Variants in KCTD16 observed in about 807,000 individuals in gnomAD.
KCTD16 encodes BTB/POZ domain-containing protein KCTD16.
A neutral mutation model predicts 33.2 loss-of-function variants in KCTD16; 13 were observed. The ratio of observed to expected loss-of-function variants is 0.39; its 90% CI spans 0.25 to 0.62. KCTD16 has a LOEUF of 0.62. KCTD16 is among the 20% of genes least tolerant of loss of function. The pLI, the probability that KCTD16 is intolerant of heterozygous loss-of-function variation, is 0.50. For synonymous variants in KCTD16, 197 were observed against 195.3 expected, an observed-to-expected ratio of 1.01 and a Z score of -0.07; for missense variants, 441 against 525.1, an observed-to-expected ratio of 0.84 and a Z score of 1.57.
At chr5:144,229,175 G>A (rs1196000242) in intron 3 of KCTD16, among the ~76,000 whole-genome samples, 2 of 152,174 alleles carry the variant, frequency 1.3e-5, no homozygotes, top group East Asian at 3.8e-4. Context: ...ATGGGGTTTT[G>A]TAAAGTCAAG....
chr5:144,272,261 TA>T (rs1755319398), intron 3 of KCTD16, among the ~76,000 whole-genome samples: 1 of 151,984 alleles, frequency 6.6e-6, no homozygotes, highest in African/African-American at 2.4e-5. Flanking sequence ...CCATCTCTAC[TA>T]AAAAAAGATA....
chr5:144,350,417 T>A (rs1164213701), intron 3 of KCTD16, among the ~76,000 whole-genome samples: 2 of 152,204 alleles, frequency 1.3e-5, no homozygotes, highest in Admixed American at 6.5e-5. Flanking sequence ...TAAAATAATT[T>A]CAATATTAAA....
chr5:144,171,347 G>A (rs141916223), intron 1 of KCTD16, among the ~76,000 whole-genome samples: 171 of 152,284 alleles, frequency 1.1e-3, no homozygotes, highest in African/African-American at 3.9e-3. Flanking sequence ...AAAGGGCAAC[G>A]GGAAAGGAGG....
At chr5:144,436,257 CTT>C (rs1169062085) in intron 3 of KCTD16, among the ~76,000 whole-genome samples, 1 of 152,168 alleles carries the variant, frequency 6.6e-6, no homozygotes, top group East Asian at 1.9e-4. Context: ...ATGGGATTGA[CTT>C]CTAACTACTT....
intron 3 of KCTD16, among the ~76,000 whole-genome samples, chr5:144,351,025 A>G (rs1018073642): frequency 8.5e-5 from 13 of 152,228 alleles, no homozygotes; most frequent in Non-Finnish European, 1.5e-5. Flanking sequence ...TCTGAACACC[A>G]CTGAAATAAA....
At chr5:144,319,536 G>A (rs1752019254) in intron 3 of KCTD16, among the ~76,000 whole-genome samples, 1 of 152,200 alleles carries the variant, frequency 6.6e-6, no homozygotes, top group Non-Finnish European at 1.5e-5. Flanking sequence ...TTACGTTGGA[G>A]CTTGCCTGGT....
rs1753056246 is a variant in KCTD16, at chr5:144,202,121, G to T, written c.-326-4268G>T. ...TATGCTTGAATATTACAAAGAACAG[G>T]ATGGAGCATTCTTCCTTGCTCTTCC... On this transcript the variant is annotated intron_variant, in intron 2 of 3. Transcript: ENST00000512467. Among the ~76,000 whole-genome samples, 2 of 152,182 alleles carry T rather than the reference G, an allele frequency of 1.3e-5. 1 individual carries two copies. Among genetic ancestry groups the T allele is most frequent in the South Asian group, 4.1e-4 (2 of 4,834 alleles).
At chr5:144,440,285 C>T (rs1753674763) in intron 3 of KCTD16, among the ~76,000 whole-genome samples, 1 of 152,168 alleles carries the variant, frequency 6.6e-6, no homozygotes, top group Non-Finnish European at 1.5e-5. Context: ...TGGCTGATTG[C>T]AAATGCATGA....
In KCTD16 at chr5:144,280,226, A is replaced by C. The variant is rs570262198; in HGVS notation, c.832+72680A>C. Reference sequence around the variant, plus strand: ...TCCCTCCTTTCCTATTTTCTGGAAGAGATTGTAAGGAATTTAAATTATTAT... The same window carrying C: ...TCCCTCCTTTCCTATTTTCTGGAAGCGATTGTAAGGAATTTAAATTATTAT... On this transcript the variant is annotated intron_variant, in intron 3 of 3. Transcript: ENST00000512467. Among the ~76,000 whole-genome samples, 13 of 152,218 alleles carry C rather than the reference A, an allele frequency of 8.5e-5. No individual in the cohort carries two copies. The East Asian group carries it at 2.3e-3, about 27-fold the overall frequency.
In KCTD16 at chr5:144,379,346, G is replaced by A. The variant is rs538734211; in HGVS notation, c.833-94314G>A. ...GAGGATTAGTAAATAGATATTTCACGTACTAGAAGAAGAGGGGCTTACTTG... is the reference window on the plus strand; with the variant it reads ...GAGGATTAGTAAATAGATATTTCACATACTAGAAGAAGAGGGGCTTACTTG... On this transcript the variant is annotated intron_variant, in intron 3 of 3. Transcript: ENST00000512467. Among the ~76,000 whole-genome samples the A allele has an allele frequency of 1.2e-3, 190 of 152,234 alleles. 1 individual carries two copies. Among genetic ancestry groups the A allele is most frequent in the African/African-American group, 4.2e-3 (175 of 41,554 alleles).
At chr5:144,299,227 T>G (rs6878187) in intron 3 of KCTD16, among the ~76,000 whole-genome samples, 17,047 of 141,068 alleles carry the variant, frequency 0.12, 2,760 homozygotes, top group African/African-American at 0.37. Context: ...ACTAACACTT[T>G]GACAAAAATC....
At chr5:144,198,271 C>T in intron 2 of KCTD16, among the ~76,000 whole-genome samples, 1 of 152,168 alleles carries the variant, frequency 6.6e-6, no homozygotes, top group East Asian at 1.9e-4. Flanking sequence ...ATTAAACAAA[C>T]ATTAATTGAG....
rs1755857921 is a variant in KCTD16, at chr5:144,290,219, C to T, written c.832+82673C>T. ...CTGAAGTGGGAGAATTGCTTGAGTC[C>T]CTGAGGCAGAGATTGCAGTGAGCTG... On this transcript the variant is annotated intron_variant, in intron 3 of 3. Coordinates refer to ENST00000512467, the MANE Select transcript of KCTD16 (RefSeq NM_020768.4). Among the ~76,000 whole-genome samples, 5 of 151,980 alleles carry T rather than the reference C, an allele frequency of 3.3e-5. No homozygotes were observed. The South Asian group carries it at 1.0e-3, about 32-fold the overall frequency.
chr5:144,322,870 A>G (rs191238702), intron 3 of KCTD16, among the ~76,000 whole-genome samples: 40 of 152,260 alleles, frequency 2.6e-4, no homozygotes, highest in African/African-American at 9.6e-4. Context: ...GGGTAAGGTA[A>G]CCATAGAATG....
intron 1 of KCTD16, among the ~76,000 whole-genome samples, chr5:144,173,661 T>C (rs553817159): frequency 3.3e-5 from 5 of 152,290 alleles, no homozygotes; most frequent in Non-Finnish European, 5.9e-5. Flanking sequence ...TTATTAGATA[T>C]AGATATTATT....
chr5:144,399,403 A>G (rs1166942168), intron 3 of KCTD16, among the ~76,000 whole-genome samples: 1 of 152,060 alleles, frequency 6.6e-6, no homozygotes, highest in African/African-American at 2.4e-5. Context: ...GACAGTGATT[A>G]GGCTTCTTTC....
At chr5:144,265,492 A>G (rs1755118217) in intron 3 of KCTD16, among the ~76,000 whole-genome samples, 1 of 152,252 alleles carries the variant, frequency 6.6e-6, no homozygotes, top group South Asian at 2.1e-4. Context: ...AGTTAAGGAA[A>G]CAACCCAGGA....
intron 3 of KCTD16, among the ~76,000 whole-genome samples, chr5:144,391,718 T>G (rs1472099664): frequency 1.3e-5 from 2 of 152,214 alleles, no homozygotes; most frequent in Non-Finnish European, 2.9e-5. Flanking sequence ...TTTGCAATAA[T>G]GGATGAAAAT....
intron 3 of KCTD16, among the ~76,000 whole-genome samples, chr5:144,448,064 G>A (rs930786558): frequency 4.7e-5 from 7 of 148,424 alleles, no homozygotes; most frequent in Admixed American, 4.0e-4. Flanking sequence ...TTGTGATGCC[G>A]TTTAACAAGC....
Sources: gnomAD v4.1 joint callset for allele counts (sites outside exome capture counted in the v4.1 genomes callset) on GRCh38, gnomAD v4.1.1 for gene constraint, MANE v1.5 for transcripts, NCBI Gene and HGNC (gene_info 2026-07-23, HGNC 2026-07-21) for gene names.